The following DOCK10 variants were observed in gnomAD, a reference collection of about 807,000 sequenced individuals.
The protein encoded by DOCK10 is dedicator of cytokinesis protein 10.
In DOCK10, 145 loss-of-function variants were observed where a neutral mutation model predicts 280.1. The observed-to-expected ratio is 0.52, with a 90% CI of 0.45 to 0.59. DOCK10 has a LOEUF of 0.59. Ranked by LOEUF, DOCK10 falls within the 20% of genes least tolerant of loss-of-function variation. The pLI is 0.00. For synonymous variants in DOCK10, 915 were observed against 942.2 expected (o/e 0.97, Z 0.53); for missense variants, 2,368 against 2,651.7 (o/e 0.89, Z 2.35).
At chr2:224,987,304 C>T (rs963247306) in intron 1 of DOCK10, among the ~76,000 whole-genome samples, 2 of 152,220 alleles carry the variant, frequency 1.3e-5, no homozygotes, top group Non-Finnish European at 2.9e-5. Context: ...GAACAATTTA[C>T]AGGCACAGCA....
At chr2:224,838,749 A>G (rs1695753102) in intron 24 of DOCK10, among the ~76,000 whole-genome samples, 1 of 152,236 alleles carries the variant, frequency 6.6e-6, no homozygotes, top group Non-Finnish European at 1.5e-5. Context: ...AAATTTTTTA[A>G]AAAAATGAAC....
At chr2:224,930,727 C>G (rs1702312306) in intron 2 of DOCK10, among the ~76,000 whole-genome samples, 3 of 152,138 alleles carry the variant, frequency 2.0e-5, no homozygotes, top group Non-Finnish European at 1.5e-5. Context: ...ACAGGGATAC[C>G]CTTCAGCTGC....
chr2:224,876,300 G>C, intron 7 of DOCK10, 79 bp from the exon 8 acceptor site: 1 of 1,306,752 alleles, frequency 7.7e-7, no homozygotes, highest in Non-Finnish European at 1.0e-6. Flanking sequence ...ATGTGGGCTT[G>C]AGGTTCCAAA....
chr2:224,935,696 CA>C (rs1333100599), intron 1 of DOCK10, among the ~76,000 whole-genome samples: 1 of 152,162 alleles, frequency 6.6e-6, no homozygotes, highest in African/African-American at 2.4e-5. Context: ...GTAAAATCCT[CA>C]TTATCCAAGT....
intron 1 of DOCK10, among the ~76,000 whole-genome samples, chr2:225,002,464 G>T (rs1363807148): frequency 6.6e-6 from 1 of 152,210 alleles, no homozygotes; most frequent in African/African-American, 2.4e-5. Context: ...ATGTAAGCCT[G>T]ATTCCACCTC....
chr2:224,872,587 A>T (rs769732309), intron 11 of DOCK10, among the ~76,000 whole-genome samples: 14 of 152,238 alleles, frequency 9.2e-5, no homozygotes, highest in Non-Finnish European at 1.9e-4. Context: ...GTCAGTAGGT[A>T]TCAAGTAAAG....
At chr2:224,774,602 A>G (rs1176478441) in intron 52 of DOCK10, among the ~76,000 whole-genome samples, 3 of 152,246 alleles carry the variant, frequency 2.0e-5, no homozygotes, top group Non-Finnish European at 4.4e-5. Flanking sequence ...AGGTAGACTC[A>G]GAGAGGAAAG....
At chr2:224,951,784 G>C (rs979108410) in intron 1 of DOCK10, among the ~76,000 whole-genome samples, 1 of 152,144 alleles carries the variant, frequency 6.6e-6, no homozygotes, top group Admixed American at 6.5e-5. Context: ...GGCTCCAGGG[G>C]AGAAGCTGTC....
In DOCK10 at chr2:224,770,186, C is replaced by T. The variant is rs760770553; in HGVS notation, c.6444+25G>A. 2.5e-5 allele frequency: 37 copies of T among 1,507,072 alleles called. No individual in the cohort carries two copies. The highest frequency in any genetic ancestry group is 6.8e-5 in the South Asian group (5 of 73,944). 93.4% of individuals were successfully genotyped at this position (1,507,072 alleles called of 1,614,324 possible). A position where few individuals can be genotyped will look rare whatever the true frequency, so the allele number is the denominator to read the frequency against. On this transcript the variant is annotated intron_variant, in intron 55 of 55. Coordinates refer to ENST00000258390, the MANE Select transcript of DOCK10 (RefSeq NM_014689.3). This position sits in a 1 kb window ranked among gnomAD's most constrained non-coding sequence, Gnocchi z 4.5. ...AAAGGGACTTTCTGTCCACTGATAG[C>T]GCGTGTGCACCAAGGAGCGCTCACC...
At chr2:224,919,141 GGT>G (rs563353141) in intron 2 of DOCK10, among the ~76,000 whole-genome samples, 109 of 147,446 alleles carry the variant, frequency 7.4e-4, no homozygotes, top group African/African-American at 2.6e-3. Context: ...GTATATGTGT[GGT>G]GTGTGTATGT....
At chr2:224,956,305 G>C (rs1704028803) in intron 1 of DOCK10, among the ~76,000 whole-genome samples, 2 of 152,164 alleles carry the variant, frequency 1.3e-5, no homozygotes, top group Admixed American at 6.5e-5. Context: ...TCTCATTTGG[G>C]GGGTTTAGTA....
intron 4 of DOCK10, among the ~76,000 whole-genome samples, chr2:224,890,329 C>G (rs1203073470): frequency 6.6e-6 from 1 of 152,156 alleles, no homozygotes; most frequent in African/African-American, 2.4e-5. Flanking sequence ...GAGAGAAAGC[C>G]TTTCAAACTA....
At chr2:224,797,220 T>G in intron 42 of DOCK10, 74 bp from the exon 43 acceptor site, 3 of 1,191,764 alleles carry the variant, frequency 2.5e-6, no homozygotes, top group Non-Finnish European at 3.4e-6. Context: ...TATTTTAAAA[T>G]TCCCTAAAAC....
intron 25 of DOCK10, among the ~76,000 whole-genome samples, chr2:224,835,976 G>A (rs1350403013): frequency 6.6e-6 from 1 of 152,192 alleles, no homozygotes; most frequent in African/African-American, 2.4e-5. Flanking sequence ...CATCTCTCCA[G>A]GAGCGTCACC....
At position 224,770,256 on chromosome 2, in the gene DOCK10, G is replaced by A. The variant is rs749175174; in HGVS notation, c.6399C>T (p.His2133=). The change falls in exon 55 of 56, where the codon CAC becomes CAT. Residue 2133 remains histidine, a synonymous_variant. Coordinates refer to ENST00000258390, the MANE Select transcript of DOCK10 (RefSeq NM_014689.3). This position sits in a 1 kb window ranked among gnomAD's most constrained non-coding sequence, Gnocchi z 4.5. ...QLEYQEELRS[H]YKDMLSELST... is the part of the protein sequence containing the mutation. ...AGAGTTCGCTGAGCATGTCCTTGTA[G>A]TGGGACCTCAGTTCTTCCTGGTACT... The A allele has an allele frequency of 6.2e-7, 1 of 1,604,504 alleles. No homozygotes were observed. The highest frequency in any genetic ancestry group is 2.2e-5 in the East Asian group (1 of 44,640).
intron 1 of DOCK10, among the ~76,000 whole-genome samples, chr2:224,959,603 G>A (rs770802119): frequency 6.6e-5 from 10 of 152,032 alleles, no homozygotes; most frequent in Non-Finnish European, 1.3e-4. Context: ...AAACAGCTGT[G>A]CCTTCTCACT....
chr2:224,937,472 A>G (rs76488627), intron 1 of DOCK10, among the ~76,000 whole-genome samples: 2,261 of 152,296 alleles, frequency 0.015, 52 homozygotes, highest in African/African-American at 0.052. Flanking sequence ...TTCTTCATGT[A>G]CCAGGAACTG....
intron 11 of DOCK10, among the ~76,000 whole-genome samples, chr2:224,870,035 AGTT>A (rs1362721173): frequency 6.6e-6 from 1 of 152,222 alleles, no homozygotes; most frequent in Non-Finnish European, 1.5e-5. Context: ...CTTAAATTGT[AGTT>A]CTCATAATCC....
At chr2:224,978,021 G>A (rs1207068094) in intron 1 of DOCK10, among the ~76,000 whole-genome samples, 1 of 152,150 alleles carries the variant, frequency 6.6e-6, no homozygotes, top group Admixed American at 6.5e-5. Flanking sequence ...AGTTAAGTGG[G>A]CATCTTTATC....
Sources: gnomAD v4.1 joint callset for allele counts (sites outside exome capture counted in the v4.1 genomes callset) on GRCh38, gnomAD v4.1.1 for gene constraint, Gnocchi (gnomAD v3.1) non-coding constraint, MANE v1.5 for transcripts, NCBI Gene and HGNC (gene_info 2026-07-23, HGNC 2026-07-21) for gene names.